LINC02747: variants seen among roughly 807,000 people sequenced by gnomAD.
LINC02747 encodes the protein long independently transcribed non-coding RNA 2747, also known as CCND1-upstream intergenic DNA repair 2.
At chr11:69,476,729 C>T (rs758844975) in exon 2 of LINC02747, 2 of 152,234 alleles carry the variant, frequency 1.3e-5, no homozygotes, top group Non-Finnish European at 2.9e-5. Flanking sequence ...CCCCCGGAGC[C>T]CCGCTGATTA....
chr11:69,481,490 G>A (rs1289135621), exon 1 of LINC02747: 1 of 152,374 alleles, frequency 6.6e-6, no homozygotes, highest in Non-Finnish European at 1.5e-5. Context: ...GCAGCTCACT[G>A]TGGCAAAAGA....
chr11:69,479,951 A>T (rs1028963671), intron 1 of LINC02747: 4 of 152,308 alleles, frequency 2.6e-5, no homozygotes, highest in Non-Finnish European at 4.4e-5. Context: ...CTGTGAGGGC[A>T]AAGTCTGCAG....
At chr11:69,478,506 G>A (rs1857016516) in intron 1 of LINC02747, among the ~76,000 whole-genome samples, 6 of 152,208 alleles carry the variant, frequency 3.9e-5, no homozygotes, top group Admixed American at 3.9e-4. Context: ...TCTCTCCCCA[G>A]ATGGATGTGT....
At chr11:69,479,856 C>T (rs1419723005) in intron 1 of LINC02747, 1 of 152,386 alleles carries the variant, frequency 6.6e-6, no homozygotes, top group African/African-American at 2.4e-5. Flanking sequence ...TGGAGAGACC[C>T]CACCTTCCTG....
chr11:69,478,858 T>A (rs796361074), intron 1 of LINC02747, among the ~76,000 whole-genome samples: 16 of 151,910 alleles, frequency 1.1e-4, no homozygotes, highest in African/African-American at 3.9e-4. Flanking sequence ...AGAGCGAGAC[T>A]CTGTCTCAAA....
At chr11:69,478,437 T>C (rs1157776976) in intron 1 of LINC02747, among the ~76,000 whole-genome samples, 1 of 152,214 alleles carries the variant, frequency 6.6e-6, no homozygotes, top group African/African-American at 2.4e-5. Context: ...TCCTGCACCC[T>C]GACCGCCTGC....
rs1857026962 is a variant in LINC02747, at chr11:69,479,298, A to AGAG, written n.121-1688_121-1686dup. ...AAAAAGAGAGAGAGAGAGAGGAGAG[A>AGAG]GAGAGAAAAGAAAAAACAAGTGGGT... On this transcript the variant is annotated intron_variant and non_coding_transcript_variant, in intron 1 of 1. Coordinates refer to ENST00000645449, the Ensembl canonical transcript of LINC02747. Among the ~76,000 whole-genome samples, 5 of 148,550 alleles carry AGAG rather than the reference A, an allele frequency of 3.4e-5. No individual in the cohort carries two copies. In the South Asian group the frequency reaches 1.1e-3, roughly 32 times the overall value.
At chr11:69,477,968 GGGC>G (rs770471862) in intron 1 of LINC02747, among the ~76,000 whole-genome samples, 1 of 152,170 alleles carries the variant, frequency 6.6e-6, no homozygotes, top group Non-Finnish European at 1.5e-5. Flanking sequence ...GGTGGGGATG[GGGC>G]GAGGAACAGT....
chr11:69,480,638 G>A (rs944931208), intron 1 of LINC02747, among the ~76,000 whole-genome samples: 1 of 152,204 alleles, frequency 6.6e-6, no homozygotes, highest in Non-Finnish European at 1.5e-5. Flanking sequence ...GGAAATGTCT[G>A]CAGACATCAT....
At position 69,477,350 on chromosome 11, in the gene LINC02747, G is replaced by C. The variant is rs1325696942; in HGVS notation, n.384C>G. ...ATGGGCTGAGCACATGAAGGCCTCA[G>C]ATCCTACAGGAGGTTGCCCTCTGCC... On this transcript the variant is annotated non_coding_transcript_exon_variant, in exon 2 of 2. Coordinates refer to ENST00000645449, the Ensembl canonical transcript of LINC02747. The C allele has an allele frequency of 3.3e-5, 5 of 152,398 alleles. No homozygotes were observed. In the East Asian group the frequency reaches 9.7e-4, roughly 30 times the overall value. 9.4% of individuals were successfully genotyped at this position (152,398 alleles called of 1,614,324 possible). A position where few individuals can be genotyped will look rare whatever the true frequency, so the allele number is the denominator to read the frequency against.
intron 1 of LINC02747, among the ~76,000 whole-genome samples, chr11:69,479,370 T>C (rs1343967456): frequency 1.3e-5 from 2 of 151,590 alleles, no homozygotes; most frequent in Non-Finnish European, 2.9e-5. Context: ...GAACCACATC[T>C]CAGTGTCAGC....
intron 1 of LINC02747, among the ~76,000 whole-genome samples, chr11:69,477,813 C>G (rs1857010324): frequency 6.6e-6 from 1 of 152,086 alleles, no homozygotes; most frequent in South Asian, 2.1e-4. Context: ...TTTTAAGGGG[C>G]AGGATGTGGG....
intron 1 of LINC02747, among the ~76,000 whole-genome samples, chr11:69,480,576 G>C (rs1430460465): frequency 6.6e-6 from 1 of 152,236 alleles, no homozygotes; most frequent in Admixed American, 6.5e-5. Flanking sequence ...CCCTCAGGAT[G>C]GAGCTGAGGC....
At chr11:69,481,100 GC>G (rs1857044211) in intron 1 of LINC02747, among the ~76,000 whole-genome samples, 1 of 152,206 alleles carries the variant, frequency 6.6e-6, no homozygotes, top group South Asian at 2.1e-4. Flanking sequence ...ACAGCTACAA[GC>G]CCAGGACCAG....
exon 2 of LINC02747, chr11:69,476,718 GC>G: frequency 6.6e-6 from 1 of 152,378 alleles, no homozygotes; most frequent in Non-Finnish European, 1.5e-5. Context: ...TTAGGCCAGA[GC>G]CCCCGGAGCC....
At chr11:69,478,942 A>T (rs1220876563) in intron 1 of LINC02747, among the ~76,000 whole-genome samples, 1 of 151,562 alleles carries the variant, frequency 6.6e-6, no homozygotes, top group South Asian at 2.1e-4. Flanking sequence ...ACAAAACAAC[A>T]CTCTGATGTG....
chr11:69,480,105 C>A (rs1162392598), intron 1 of LINC02747, among the ~76,000 whole-genome samples: 1 of 152,236 alleles, frequency 6.6e-6, no homozygotes, highest in Admixed American at 6.5e-5. Context: ...GCCCCAGTTG[C>A]GGCTGGCTCA....
chr11:69,479,196 A>G (rs1346090662), intron 1 of LINC02747, among the ~76,000 whole-genome samples: 6 of 143,510 alleles, frequency 4.2e-5, no homozygotes, highest in Non-Finnish European at 7.5e-5. Flanking sequence ...CGGAGGTTGC[A>G]GTGAGCCAAG....
At chr11:69,479,770 G>C (rs1857032230) in intron 1 of LINC02747, 1 of 152,452 alleles carries the variant, frequency 6.6e-6, no homozygotes, top group South Asian at 2.1e-4. Context: ...ACCCTCTCCT[G>C]CCCAGCTCGG....
Sources: gnomAD v4.1 joint callset for allele counts (sites outside exome capture counted in the v4.1 genomes callset) on GRCh38, gnomAD v4.1.1 for gene constraint, MANE v1.5 for transcripts, NCBI Gene and HGNC (gene_info 2026-07-23, HGNC 2026-07-21) for gene names.